The following SLC35F2 variants were observed in gnomAD, a reference collection of about 807,000 sequenced individuals.
SLC35F2 encodes the protein queuine/queuosine transporter SLC35F2.
Under a neutral mutation model 38.1 loss-of-function variants are expected in SLC35F2, and 25 were observed. The observed-to-expected ratio is 0.66, with a 90% CI of 0.48 to 0.92. The LOEUF is 0.92. SLC35F2 is among the 40% of genes least tolerant of loss of function. The pLI, the probability that SLC35F2 is intolerant of heterozygous loss-of-function variation, is 0.00. For synonymous variants in SLC35F2, 173 were observed against 181.7 expected (o/e 0.95, Z 0.38); for missense variants, 409 against 452.9 (o/e 0.90, Z 0.88).
intron 2 of SLC35F2, 121 bp downstream of exon 2, chr11:107,815,669 T>C (rs1859560615): frequency 8.7e-7 from 1 of 1,147,430 alleles, no homozygotes; most frequent in African/African-American, 1.6e-5. Flanking sequence ...AATCAACAAT[T>C]TCAGAGAATT....
intron 1 of SLC35F2, 161 bp from the exon 2 acceptor site, chr11:107,816,126 G>A (rs963328819): frequency 7.1e-6 from 7 of 984,460 alleles, no homozygotes; most frequent in Admixed American, 1.2e-4. Context: ...TAAAATGTTA[G>A]TTACTGAAGG....
chr11:107,856,255 C>T (rs1183881868), intron 1 of SLC35F2, among the ~76,000 whole-genome samples: 1 of 152,192 alleles, frequency 6.6e-6, no homozygotes, highest in Non-Finnish European at 1.5e-5. Context: ...ATGTTCCCAT[C>T]ACCCAAGAAT....
Position 107,849,801 on chromosome 11 carries a change from A to G in SLC35F2, c.110+8857T>C, listed in dbSNP as rs143529544. On this transcript the variant is annotated intron_variant, in intron 1 of 7. Coordinates refer to ENST00000525815, the MANE Select transcript of SLC35F2 (RefSeq NM_017515.5). Reference sequence around the variant, plus strand: ...AAGGAATAACCCAAAGGTTGTCTAGAACTGGTCTAGGGGAAGAAGGAGACT... The same window carrying G: ...AAGGAATAACCCAAAGGTTGTCTAGGACTGGTCTAGGGGAAGAAGGAGACT... Among the ~76,000 whole-genome samples, 315 of 152,268 alleles carry G rather than the reference A, an allele frequency of 2.1e-3. 1 individual carries two copies. The highest frequency in any genetic ancestry group is 7.0e-3 in the African/African-American group (291 of 41,558).
At chr11:107,800,903 CTTT>C (rs71303238) in intron 7 of SLC35F2, among the ~76,000 whole-genome samples, 50,174 of 125,556 alleles carry the variant, frequency 0.4, 9,208 homozygotes, top group Non-Finnish European at 0.45. Context: ...GCTATTACTA[CTTT>C]TTTTTTTTTT....
intron 3 of SLC35F2, among the ~76,000 whole-genome samples, chr11:107,807,874 C>G (rs1476461371): frequency 6.6e-6 from 1 of 152,160 alleles, no homozygotes. Context: ...CACGCCTGGC[C>G]CTGTGTATAT....
In SLC35F2 at chr11:107,858,758, C is replaced by G. The variant is rs559623262; in HGVS notation, c.10G>C (p.Asp4His). The G allele has an allele frequency of 1.0e-5, 13 of 1,267,606 alleles. No individual in the cohort carries two copies. The Admixed American group carries it at 2.3e-4, about 23-fold the overall frequency. The allele number at this position is 1,267,606 out of a possible 1,614,324, so 78.5% of individuals were successfully genotyped here. A position where few individuals can be genotyped will look rare whatever the true frequency, so the allele number is the denominator to read the frequency against. The change falls in exon 1 of 8, where the codon GAC (aspartate) becomes CAC (histidine). Residue 4 changes from aspartate (D) to histidine (H), a missense_variant. Coordinates refer to ENST00000525815, the MANE Select transcript of SLC35F2 (RefSeq NM_017515.5). ...GGGGCGCCGGGGCCCGCTGGCGAGTCTGCCTCCATCGGCGCCCTTGCGCGT... is the reference window on the plus strand; with the variant it reads ...GGGGCGCCGGGGCCCGCTGGCGAGTGTGCCTCCATCGGCGCCCTTGCGCGT... MEA[D>H]SPAGPGAPEP...
At chr11:107,851,543 A>G (rs1860186799) in intron 1 of SLC35F2, among the ~76,000 whole-genome samples, 1 of 150,284 alleles carries the variant, frequency 6.7e-6, no homozygotes, top group South Asian at 2.1e-4. Context: ...AAACAACATG[A>G]CTGGGTCACA....
chr11:107,822,243 A>G (rs899173591), intron 1 of SLC35F2, among the ~76,000 whole-genome samples: 1 of 152,232 alleles, frequency 6.6e-6, no homozygotes, highest in South Asian at 2.1e-4. Context: ...CAAAAAAAAA[A>G]TTTAAGGAAT....
At chr11:107,811,464 G>A (rs1859478564) in intron 3 of SLC35F2, among the ~76,000 whole-genome samples, 1 of 152,146 alleles carries the variant, frequency 6.6e-6, no homozygotes, top group African/African-American at 2.4e-5. Flanking sequence ...AGCAGTTTGG[G>A]GGCAGCTTAA....
At chr11:107,807,531 C>A (rs936283795) in intron 3 of SLC35F2, among the ~76,000 whole-genome samples, 1 of 151,792 alleles carries the variant, frequency 6.6e-6, no homozygotes, top group Middle Eastern at 3.4e-3. Flanking sequence ...GTGCACTTTA[C>A]CTCTATGCTC....
rs560094365 is a variant in SLC35F2 at position 107,796,479 on chromosome 11, A to G, written c.940-3679T>C. On this transcript the variant is annotated intron_variant, in intron 7 of 7. Coordinates refer to ENST00000525815, the MANE Select transcript of SLC35F2 (RefSeq NM_017515.5). ...ATGAAATCCTATTATTTGCAGCAACATGGATGGAACTAGAGGTCATTATGT... is the reference window on the plus strand; with the variant it reads ...ATGAAATCCTATTATTTGCAGCAACGTGGATGGAACTAGAGGTCATTATGT... 9.8e-5 allele frequency among the ~76,000 whole-genome samples: 15 copies of G among 152,348 alleles called. No individual in the cohort carries two copies. In the East Asian group the frequency reaches 2.9e-3, roughly 29 times the overall value.
intron 1 of SLC35F2, among the ~76,000 whole-genome samples, chr11:107,827,216 A>G (rs1859765786): frequency 6.6e-6 from 1 of 152,198 alleles, no homozygotes; most frequent in Non-Finnish European, 1.5e-5. Context: ...ATACATATAT[A>G]TATCCTATCT....
chr11:107,806,860 C>T lies in SLC35F2; in HGVS notation c.431G>A (p.Gly144Glu). 6.2e-7 allele frequency: 1 copy of T among 1,613,448 alleles called. No individual in the cohort carries two copies. The highest frequency in any genetic ancestry group is 8.5e-7 in the Non-Finnish European group (1 of 1,179,624). Residue 144 changes from glycine (G) to glutamate (E), a missense_variant, in exon 4 of 8, where the codon GGG becomes GAG. Physicochemically the swap from Gly to Glu is moderately conservative, Grantham distance 98 (BLOSUM62 -2). Transcript: ENST00000525815. ...TGACAGAGCCATCAACACAGGAATC[C>T]CAAAGCAATCCAAAAGCTGCATGGA... ...LTSVQLLDCF[G>E]IPVLMALSWF...
chr11:107,837,783 G>A (rs1232534751), intron 1 of SLC35F2, among the ~76,000 whole-genome samples: 1 of 152,010 alleles, frequency 6.6e-6, no homozygotes, highest in East Asian at 1.9e-4. Context: ...AAATTCCTAT[G>A]ACATTTTGGT....
At chr11:107,850,945 C>T (rs1158698514) in intron 1 of SLC35F2, among the ~76,000 whole-genome samples, 2 of 151,824 alleles carry the variant, frequency 1.3e-5, no homozygotes, top group African/African-American at 2.4e-5. Context: ...GTTGGGAATT[C>T]GCGACTAGCC....
At chr11:107,837,223 T>C (rs544673561) in intron 1 of SLC35F2, among the ~76,000 whole-genome samples, 2 of 152,362 alleles carry the variant, frequency 1.3e-5, no homozygotes, top group Admixed American at 6.5e-5. Context: ...TAGCCACTGA[T>C]GAGCTCTTAC....
intron 5 of SLC35F2, chr11:107,805,142 A>G: frequency 1.0e-6 from 1 of 985,242 alleles, no homozygotes; most frequent in South Asian, 4.7e-5. Flanking sequence ...AGCAACACAC[A>G]TGTTTAAGAA....
intron 6 of SLC35F2, among the ~76,000 whole-genome samples, chr11:107,803,826 T>C (rs536540506): frequency 6.9e-6 from 1 of 145,818 alleles, no homozygotes; most frequent in South Asian, 2.1e-4. Context: ...GTTATTTTTA[T>C]TTTTATTTAT....
chr11:107,842,287 T>TAAAAAAAAAAA (rs1292690214), intron 1 of SLC35F2, among the ~76,000 whole-genome samples: 196 of 71,056 alleles, frequency 2.8e-3, no homozygotes, highest in South Asian at 5.0e-3. Context: ...AAAAAAAAAT[T>TAAAAAAAAAAA]AAAGCTTGAC....
Sources: gnomAD v4.1 joint callset for allele counts (sites outside exome capture counted in the v4.1 genomes callset) on GRCh38, gnomAD v4.1.1 for gene constraint, MANE v1.5 for transcripts, NCBI Gene and HGNC (gene_info 2026-07-23, HGNC 2026-07-21) for gene names.